Variants in HTR1F observed in about 807,000 individuals in gnomAD.
HTR1F encodes the protein 5-hydroxytryptamine (serotonin) receptor 1F, G protein-coupled.
A neutral mutation model predicts 24.0 loss-of-function variants in HTR1F; 17 were observed. That is an observed-to-expected ratio of 0.71 (90% CI 0.48 to 1.06). HTR1F has a LOEUF of 1.06. HTR1F is among the 50% of genes least tolerant of loss of function. HTR1F has a pLI of 0.00. For synonymous variants in HTR1F, 186 were observed against 156.8 expected, an observed-to-expected ratio of 1.19 and a Z score of -1.39; for missense variants, 391 against 427.8, an observed-to-expected ratio of 0.91 and a Z score of 0.76.
chr3:87,912,199 C>CAA (rs201239929), intron 2 of HTR1F, among the ~76,000 whole-genome samples: 1 of 142,676 alleles, frequency 7.0e-6, no homozygotes. Flanking sequence ...CTTAAGATAA[C>CAA]AAAAAAAAAA....
chr3:87,903,363 C>G (rs574138638), intron 2 of HTR1F, among the ~76,000 whole-genome samples: 1 of 151,476 alleles, frequency 6.6e-6, no homozygotes, highest in Non-Finnish European at 1.5e-5. Flanking sequence ...AGAAAATTTT[C>G]GCAACCTACT....
intron 2 of HTR1F, among the ~76,000 whole-genome samples, chr3:87,970,970 T>A (rs1359930349): frequency 6.6e-6 from 1 of 152,220 alleles, no homozygotes; most frequent in Non-Finnish European, 1.5e-5. Flanking sequence ...CCTTCCTTCC[T>A]ATAGCAACTC....
chr3:87,871,716 T>G (rs879901341), intron 2 of HTR1F, among the ~76,000 whole-genome samples: 2 of 152,086 alleles, frequency 1.3e-5, no homozygotes, highest in Non-Finnish European at 2.9e-5. Flanking sequence ...TATCAGTGAC[T>G]TATTCAGCAG....
intron 2 of HTR1F, among the ~76,000 whole-genome samples, chr3:87,925,544 G>A (rs914044518): frequency 1.3e-5 from 2 of 152,114 alleles, no homozygotes; most frequent in Non-Finnish European, 2.9e-5. Context: ...GGAGGGTCTT[G>A]GGAATGTGGA....
intron 1 of HTR1F, among the ~76,000 whole-genome samples, chr3:87,820,370 G>T (rs928781798): frequency 1.3e-5 from 2 of 151,570 alleles, no homozygotes; most frequent in Admixed American, 1.3e-4. Context: ...TAGAGACGGG[G>T]TTTCACCGTT....
chr3:87,933,079 A>G (rs1370212705), intron 2 of HTR1F, among the ~76,000 whole-genome samples: 19 of 151,222 alleles, frequency 1.3e-4, no homozygotes, highest in African/African-American at 4.4e-4. Context: ...AATCCAGCAT[A>G]TAAACAGAAC....
At chr3:87,865,976 T>C (rs990947830) in intron 2 of HTR1F, among the ~76,000 whole-genome samples, 2 of 152,168 alleles carry the variant, frequency 1.3e-5, no homozygotes, top group African/African-American at 4.8e-5. Context: ...GAGGGTTTCA[T>C]TTGCTCCACA....
At chr3:87,925,810 A>G (rs566035422) in intron 2 of HTR1F, among the ~76,000 whole-genome samples, 5 of 151,940 alleles carry the variant, frequency 3.3e-5, no homozygotes, top group South Asian at 2.1e-4. Flanking sequence ...CCCCTTTACC[A>G]TTTCTCTACA....
intron 2 of HTR1F, among the ~76,000 whole-genome samples, chr3:87,986,961 C>T (rs1325386666): frequency 6.6e-6 from 1 of 151,954 alleles, no homozygotes; most frequent in Non-Finnish European, 1.5e-5. Context: ...AGAAAATTAG[C>T]CGGGTGTGGT....
At chr3:87,959,318 C>T (rs1293678593) in intron 2 of HTR1F, among the ~76,000 whole-genome samples, 8 of 151,748 alleles carry the variant, frequency 5.3e-5, no homozygotes, top group Non-Finnish European at 1.0e-4. Context: ...AATTAGTACA[C>T]CATAAATTTT....
intron 2 of HTR1F, among the ~76,000 whole-genome samples, chr3:87,975,538 T>C (rs1192283615): frequency 6.6e-6 from 1 of 152,174 alleles, no homozygotes; most frequent in Non-Finnish European, 1.5e-5. Flanking sequence ...TCAGTGTGTA[T>C]CTTTGCATTC....
chr3:87,955,960 A>G (rs1395422022), intron 2 of HTR1F, among the ~76,000 whole-genome samples: 1 of 151,468 alleles, frequency 6.6e-6, no homozygotes, highest in Non-Finnish European at 1.5e-5. Context: ...TTTATCATGC[A>G]ATTAATTCTC....
chr3:87,811,982 T>G (rs1159326226), intron 1 of HTR1F, among the ~76,000 whole-genome samples: 1 of 152,198 alleles, frequency 6.6e-6, no homozygotes, highest in Non-Finnish European at 1.5e-5. Flanking sequence ...CACTCTCACC[T>G]GCCACCATGT....
intron 2 of HTR1F, among the ~76,000 whole-genome samples, chr3:87,976,187 A>G (rs955775281): frequency 6.6e-5 from 10 of 152,362 alleles, no homozygotes; most frequent in Admixed American, 3.9e-4. Flanking sequence ...TTTACAAAAG[A>G]AAGATAGAAT....
At chr3:87,850,217 A>C (rs1428712946) in intron 2 of HTR1F, among the ~76,000 whole-genome samples, 1 of 152,030 alleles carries the variant, frequency 6.6e-6, no homozygotes, top group Non-Finnish European at 1.5e-5. Flanking sequence ...CCAAATGTCC[A>C]ACAATGATAG....
chr3:87,808,068 GGCC>G (rs965432003), intron 1 of HTR1F, among the ~76,000 whole-genome samples: 6 of 151,606 alleles, frequency 4.0e-5, no homozygotes, highest in Admixed American at 2.0e-4. Context: ...CAGGTATATT[GGCC>G]TGTAGTTTTC....
intron 2 of HTR1F, among the ~76,000 whole-genome samples, chr3:87,881,891 G>A (rs937036341): frequency 3.3e-5 from 5 of 152,168 alleles, no homozygotes; most frequent in Admixed American, 3.3e-4. Flanking sequence ...CTTCTGCACA[G>A]CAAAAGAAAC....
At chr3:87,909,518 C>T (rs986972308) in intron 2 of HTR1F, among the ~76,000 whole-genome samples, 2 of 152,012 alleles carry the variant, frequency 1.3e-5, no homozygotes, top group African/African-American at 2.4e-5. Context: ...GTTTCCCATT[C>T]TCTTTCCCTT....
chr3:87,901,337 T>G (rs1307560996), intron 2 of HTR1F, among the ~76,000 whole-genome samples: 1 of 151,832 alleles, frequency 6.6e-6, no homozygotes, highest in Non-Finnish European at 1.5e-5. Context: ...GGCACCCTTA[T>G]CAGAAGAGAT....
Sources: gnomAD v4.1 joint callset for allele counts (sites outside exome capture counted in the v4.1 genomes callset) on GRCh38, gnomAD v4.1.1 for gene constraint, MANE v1.5 for transcripts, NCBI Gene and HGNC (gene_info 2026-07-23, HGNC 2026-07-21) for gene names.